Variants in NAV3 observed in about 807,000 individuals in gnomAD.
NAV3 encodes neuron navigator 3, also known as pore membrane and/or filament interacting like protein 1.
NAV3 carries 87 observed loss-of-function variants against 244.7 expected under a neutral mutation model. The observed-to-expected ratio is 0.36, with a 90% CI of 0.30 to 0.42. The LOEUF (loss-of-function observed/expected upper bound fraction) is 0.42. Ranked by LOEUF, NAV3 falls within the 20% of genes least tolerant of loss-of-function variation. The pLI, the probability that NAV3 is intolerant of heterozygous loss-of-function variation, is 1.00. For synonymous variants in NAV3, 1,126 were observed against 1,042.2 expected (o/e 1.08, Z -1.55); for missense variants, 2,663 against 2,893.3 (o/e 0.92, Z 1.83).
At chr12:77,777,437 A>G (rs1185896489) in intron 2 of NAV3, among the ~76,000 whole-genome samples, 2 of 152,194 alleles carry the variant, frequency 1.3e-5, no homozygotes, top group Non-Finnish European at 2.9e-5. Flanking sequence ...CTATTGACCT[A>G]TCAGGTGTAT....
chr12:78,050,608 C>T (rs574977985), intron 10 of NAV3, among the ~76,000 whole-genome samples, 156 bp from the exon 11 acceptor site: 2 of 152,258 alleles, frequency 1.3e-5, no homozygotes, highest in East Asian at 3.9e-4. Flanking sequence ...CCCCTTTCCA[C>T]AATTTGACCT....
intron 2 of NAV3, among the ~76,000 whole-genome samples, chr12:77,572,924 T>A (rs545883727): frequency 6.6e-6 from 1 of 152,316 alleles, no homozygotes; most frequent in African/African-American, 2.4e-5. Context: ...TTTTAGAAAC[T>A]CTTACCTGCT....
At chr12:78,165,561 C>A (rs1006893859) in intron 23 of NAV3, among the ~76,000 whole-genome samples, 4 of 151,698 alleles carry the variant, frequency 2.6e-5, no homozygotes, top group Non-Finnish European at 4.4e-5. Flanking sequence ...CATTTCTAAT[C>A]ATGTACCTCA....
In NAV3 at chr12:78,188,285, G is replaced by T. The variant is rs944805988; in HGVS notation, c.5828G>T (p.Gly1943Val). The T allele has an allele frequency of 1.2e-6, 2 of 1,611,364 alleles. No individual in the cohort carries two copies. Among genetic ancestry groups the T allele is most frequent in the African/African-American group, 1.3e-5 (1 of 74,754 alleles). The change falls in exon 32 of 40, where the codon GGT becomes GTT. Residue 1943 changes from glycine to valine, a missense_variant. Physicochemically the swap from Gly to Val is moderately radical, Grantham distance 109. This residue lies in a region of NAV3 where 543 missense variants were observed against 672.4 expected (regional missense o/e 0.81). Transcript: ENST00000397909. ...KSQAYLIGSI[G>V]VSGKTKWDVL... is the part of the protein sequence containing the mutation. ...CAGGCATATTTGATAGGATCCATTG[G>T]TGTTAGTGGAAAAACCAAGTGGGAT... is the stretch of plus-strand genomic sequence containing the variant.
intron 2 of NAV3, among the ~76,000 whole-genome samples, chr12:77,819,340 G>A (rs1202127566): frequency 1.3e-5 from 2 of 151,216 alleles, no homozygotes; most frequent in Non-Finnish European, 2.9e-5. Context: ...GAAAGTACAA[G>A]CATTGACTAA....
At chr12:77,973,463 C>T (rs529774024) in intron 5 of NAV3, among the ~76,000 whole-genome samples, 1 of 152,068 alleles carries the variant, frequency 6.6e-6, no homozygotes, top group Non-Finnish European at 1.5e-5. Context: ...AAGAATGTGT[C>T]CACTTTCAAA....
intron 12 of NAV3, among the ~76,000 whole-genome samples, chr12:78,089,534 A>G (rs1212528424): frequency 2.6e-5 from 4 of 152,130 alleles, no homozygotes; most frequent in Non-Finnish European, 5.9e-5. Context: ...TTTATTTTTA[A>G]GATGAAATAA....
At chr12:77,780,878 A>T (rs755449764) in intron 2 of NAV3, among the ~76,000 whole-genome samples, 2 of 152,172 alleles carry the variant, frequency 1.3e-5, no homozygotes, top group Non-Finnish European at 2.9e-5. Flanking sequence ...GGAAGGTTTA[A>T]GGCTGTTTTG....
chr12:78,135,374 G>A (rs190543338), intron 18 of NAV3, among the ~76,000 whole-genome samples: 2 of 152,000 alleles, frequency 1.3e-5, no homozygotes, highest in African/African-American at 4.8e-5. Flanking sequence ...CTATCAAAAG[G>A]GTTTGTAAAT....
At chr12:77,573,906 C>T (rs1009566034) in intron 2 of NAV3, among the ~76,000 whole-genome samples, 5 of 152,164 alleles carry the variant, frequency 3.3e-5, no homozygotes, top group East Asian at 3.9e-4. Context: ...AAGAATGGAA[C>T]GAATTCTTAG....
intron 34 of NAV3, 71 bp downstream of exon 34, chr12:78,190,290 T>C: frequency 7.8e-7 from 1 of 1,278,876 alleles, no homozygotes; most frequent in Non-Finnish European, 1.1e-6. Flanking sequence ...AATTATAAGA[T>C]TTTGTGAGAC....
At chr12:77,833,360 G>A (rs957728873) in intron 1 of NAV3, among the ~76,000 whole-genome samples, 1 of 152,090 alleles carries the variant, frequency 6.6e-6, no homozygotes, top group East Asian at 1.9e-4. Context: ...TAGTTATTCC[G>A]AGAAGGATTC....
intron 3 of NAV3, among the ~76,000 whole-genome samples, chr12:77,948,139 G>A (rs1890535243): frequency 6.6e-6 from 1 of 151,968 alleles, no homozygotes. Flanking sequence ...AAGAAAAACA[G>A]CAACATGAAA....
At chr12:77,799,073 G>T (rs1592693286) in intron 2 of NAV3, among the ~76,000 whole-genome samples, 1 of 152,140 alleles carries the variant, frequency 6.6e-6, no homozygotes, top group African/African-American at 2.4e-5. Flanking sequence ...TCTCAGTTGG[G>T]CCACATGTCT....
chr12:77,716,020 A>G (rs1221533295), intron 2 of NAV3, among the ~76,000 whole-genome samples: 1 of 152,030 alleles, frequency 6.6e-6, no homozygotes, highest in Admixed American at 6.6e-5. Context: ...CTCTTGTAAC[A>G]TGTATCTATG....
chr12:77,844,627 C>T (rs560110194), intron 1 of NAV3, among the ~76,000 whole-genome samples: 44 of 152,132 alleles, frequency 2.9e-4, no homozygotes, highest in African/African-American at 9.2e-4. Flanking sequence ...TCCCCTTATC[C>T]CTCCATTCTA....
At chr12:77,701,406 C>T (rs984906548) in intron 2 of NAV3, among the ~76,000 whole-genome samples, 10 of 151,798 alleles carry the variant, frequency 6.6e-5, no homozygotes, top group African/African-American at 2.4e-4. Context: ...ATTCCTGATA[C>T]TTGTGATATG....
At chr12:78,003,457 T>C (rs1403224905) in intron 7 of NAV3, among the ~76,000 whole-genome samples, 5 of 152,210 alleles carry the variant, frequency 3.3e-5, no homozygotes, top group African/African-American at 1.2e-4. Context: ...TGAATGGTGC[T>C]TTTGTCATCA....
At chr12:77,977,447 A>G (rs1048901624) in intron 5 of NAV3, among the ~76,000 whole-genome samples, 5 of 151,746 alleles carry the variant, frequency 3.3e-5, no homozygotes, top group Non-Finnish European at 5.9e-5. Flanking sequence ...TTCTTTTTCA[A>G]TCACCTGTAG....
Sources: gnomAD v4.1 joint callset for allele counts (sites outside exome capture counted in the v4.1 genomes callset) on GRCh38, gnomAD v4.1.1 for gene constraint, gnomAD v4.1.1 regional missense constraint, MANE v1.5 for transcripts, NCBI Gene and HGNC (gene_info 2026-07-23, HGNC 2026-07-21) for gene names.